The following ZNF341 variants were observed in gnomAD, a reference collection of about 807,000 sequenced individuals.
ZNF341 encodes the protein zinc finger protein 341.
In ZNF341, 52 loss-of-function variants were observed where a neutral mutation model predicts 87.7. The observed-to-expected ratio is 0.59, with a 90% CI of 0.47 to 0.75. The LOEUF (loss-of-function observed/expected upper bound fraction) is 0.75, where lower values mean the gene tolerates loss of function less well. ZNF341 is among the 30% of genes least tolerant of loss of function. ZNF341 has a pLI of 0.00. For missense variants in ZNF341, 977 were observed against 1,145.9 expected, an observed-to-expected ratio of 0.85 and a Z score of 2.13; for synonymous variants, 459 against 472.7, an observed-to-expected ratio of 0.97 and a Z score of 0.38.
rs761312652 is a variant in ZNF341 at position 33,770,283 on chromosome 20, C to A, written c.1613C>A (p.Ala538Asp). 1.3e-6 allele frequency: 2 copies of A among 1,586,120 alleles called. No individual in the cohort carries two copies. The highest frequency in any genetic ancestry group is 1.7e-5 in the Admixed American group (1 of 59,030). The change falls in exon 10 of 15, where the codon GCC (alanine) becomes GAC (aspartate). Residue 538 changes from alanine (A) to aspartate (D), a missense_variant. Coordinates refer to ENST00000375200, the MANE Select transcript of ZNF341 (RefSeq NM_001282933.2). ...CAGCACAGCCCCAAGAAGGACAATG[C>A]CGTCTACAAGTAAGTGCCTCCTGCT... ...LPQHSPKKDN[A>D]VYKCVKCVNK...
At chr20:33,737,195 T>C (rs2018707777) in intron 1 of ZNF341, among the ~76,000 whole-genome samples, 1 of 152,208 alleles carries the variant, frequency 6.6e-6, no homozygotes. Flanking sequence ...ACAGGGGAAT[T>C]GCGACAGAGA....
chr20:33,733,532 C>T (rs543400559), intron 1 of ZNF341, among the ~76,000 whole-genome samples: 12 of 151,456 alleles, frequency 7.9e-5, no homozygotes, highest in African/African-American at 2.9e-4. Context: ...CCACCGCGCC[C>T]GGCCATTTTT....
At position 33,732,722 on chromosome 20, in the gene ZNF341, A is replaced by G. The variant is rs1169699014; in HGVS notation, c.31+670A>G. Among the ~76,000 whole-genome samples, 3 of 152,204 alleles carry G rather than the reference A, an allele frequency of 2.0e-5. No homozygotes were observed. Among genetic ancestry groups the G allele is most frequent in the Non-Finnish European group, 4.4e-5 (3 of 68,034 alleles). On this transcript the variant is annotated intron_variant, in intron 1 of 14. Coordinates refer to ENST00000375200, the MANE Select transcript of ZNF341 (RefSeq NM_001282933.2). The surrounding 1 kb of genome is among the most constrained non-coding windows in gnomAD (Gnocchi z 4.5). ...CGGTGTTCCCAGACCCAGGCCAGCA[A>G]ACGCTGGGTGCCGACAGACTGTTCC...
rs937728668 is a variant in ZNF341 at position 33,788,757 on chromosome 20, C to T, written c.1853-106C>T. ...GAGAGAGGCTATTTTCTCCCCTGGC[C>T]ACCTCCCTAGAGGAGCTGCTCCCCT... On this transcript the variant is annotated intron_variant, in intron 12 of 14. Transcript: ENST00000375200. 6 of 834,394 alleles carry T rather than the reference C, an allele frequency of 7.2e-6. No homozygotes were observed. The Admixed American group carries it at 1.2e-4, about 16-fold the overall frequency. The allele number at this position is 834,394 out of a possible 1,614,324, so 51.7% of individuals were successfully genotyped here. A position where few individuals can be genotyped will look rare whatever the true frequency, so the allele number is the denominator to read the frequency against.
intron 4 of ZNF341, chr20:33,752,134 A>C: frequency 1.2e-5 from 4 of 322,992 alleles, no homozygotes; most frequent in South Asian, 2.3e-5. Context: ...TTTTAATTTT[A>C]TAACTTTATT....
intron 10 of ZNF341, among the ~76,000 whole-genome samples, chr20:33,771,350 A>T (rs2122707976): frequency 6.6e-6 from 1 of 151,922 alleles, no homozygotes; most frequent in African/African-American, 2.4e-5. Context: ...GGCTCAGGTG[A>T]TCCTCCCACC....
In ZNF341 at chr20:33,791,144, G is replaced by A. The variant is rs766386261; in HGVS notation, c.2192G>A (p.Cys731Tyr). The A allele has an allele frequency of 4.6e-5, 74 of 1,613,142 alleles. No individual in the cohort carries two copies. The highest frequency in any genetic ancestry group is 5.3e-5 in the Non-Finnish European group (63 of 1,180,018). The part of the protein sequence containing the change: ...SRHKYLKDHR[C>Y]RLGPQKDKDL... ...CACAAATACCTCAAAGATCACCGCTGTCGTCTCGGCCCCCAAAAGGACAAG... is the reference window on the plus strand; with the variant it reads ...CACAAATACCTCAAAGATCACCGCTATCGTCTCGGCCCCCAAAAGGACAAG... Residue 731 changes from cysteine to tyrosine, a missense_variant, in exon 15 of 15, where the codon TGT becomes TAT. By Grantham distance (194) the Cys-to-Tyr change is radical. Transcript: ENST00000375200.
Position 33,788,939 on chromosome 20 carries a change from C to G in ZNF341, c.1929C>G (p.Ile643Met). The G allele has an allele frequency of 1.2e-6, 2 of 1,614,062 alleles. No homozygotes were observed. Among genetic ancestry groups the G allele is most frequent in the East Asian group, 4.5e-5 (2 of 44,876 alleles). The change falls in exon 13 of 15, where the codon ATC (isoleucine) becomes ATG (methionine). Residue 643 changes from isoleucine to methionine, a missense_variant. Transcript: ENST00000375200. ...ACAAACTGAAGAGACACATGTTGAT[C>G]CACGAGCCCTTCAAGAAATACAAAT... ...RKDKLKRHML[I>M]HEPFKKYKCP... is the part of the protein sequence containing the mutation.
At chr20:33,745,914 G>A (rs1312585276) in intron 3 of ZNF341, among the ~76,000 whole-genome samples, 1 of 151,442 alleles carries the variant, frequency 6.6e-6, no homozygotes, top group Non-Finnish European at 1.5e-5. Context: ...TTGGCAGATC[G>A]TGTAGGGTCT....
intron 11 of ZNF341, 68 bp from the exon 12 acceptor site, chr20:33,783,664 G>C: frequency 6.2e-7 from 1 of 1,608,550 alleles, no homozygotes; most frequent in Non-Finnish European, 8.5e-7. Context: ...AGGAACCTTT[G>C]AGTTCAGAAG....
intron 5 of ZNF341, 94 bp from the exon 6 acceptor site, chr20:33,757,054 T>C (rs2019190624): frequency 9.3e-7 from 1 of 1,079,066 alleles, no homozygotes; most frequent in South Asian, 2.3e-5. Context: ...GGAGAGCGGC[T>C]GAGGTCAATC....
intron 11 of ZNF341, among the ~76,000 whole-genome samples, chr20:33,783,400 C>T (rs2019782819): frequency 6.6e-6 from 1 of 152,114 alleles, no homozygotes; most frequent in Non-Finnish European, 1.5e-5. Context: ...CTTTGCCAGG[C>T]ATAGCACCAG....
At position 33,753,438 on chromosome 20, in the gene ZNF341, C is replaced by T. The variant is rs990577496; in HGVS notation, c.741+15C>T. 1 of 1,573,420 alleles carries T rather than the reference C, an allele frequency of 6.4e-7. No homozygotes were observed. Among genetic ancestry groups the T allele is most frequent in the Admixed American group, 1.8e-5 (1 of 54,080 alleles). ...CACCCCTAGAGGTGAGCAGAGGGGGCAGGGTGGAAGAGGACACTGGTCATG... is the reference window on the plus strand; with the variant it reads ...CACCCCTAGAGGTGAGCAGAGGGGGTAGGGTGGAAGAGGACACTGGTCATG... On this transcript the variant is annotated intron_variant, in intron 5 of 14. Transcript: ENST00000375200.
At chr20:33,766,826 C>T (rs775720187) in intron 8 of ZNF341, 25 bp from the exon 9 acceptor site, 1 of 1,582,630 alleles carries the variant, frequency 6.3e-7, no homozygotes, top group South Asian at 1.1e-5. Flanking sequence ...GCTCCTTGTC[C>T]TGACTTCCCT....
At chr20:33,759,992 T>C (rs1014724580) in intron 7 of ZNF341, among the ~76,000 whole-genome samples, 4 of 152,232 alleles carry the variant, frequency 2.6e-5, no homozygotes, top group Admixed American at 2.6e-4. Context: ...GTACTGCAGC[T>C]ACAGCTGTGA....
rs1297370252 is a variant in ZNF341 at position 33,790,693 on chromosome 20, C to G, written c.2036-295C>G. On this transcript the variant is annotated intron_variant, in intron 14 of 14. Transcript: ENST00000375200. ...TCAGGCGTCACGGCCCCTCCCTGAG[C>G]CTGAGATGACCTGGCAAAGCGAGCC... 5.9e-5 allele frequency among the ~76,000 whole-genome samples: 9 copies of G among 152,098 alleles called. No homozygotes were observed. In the East Asian group the frequency reaches 1.7e-3, roughly 29 times the overall value.
intron 9 of ZNF341, among the ~76,000 whole-genome samples, chr20:33,769,584 C>T (rs2626557): frequency 0.12 from 18,997 of 152,166 alleles, 3,977 homozygotes; most frequent in African/African-American, 0.43. Context: ...AGGGCCATCA[C>T]GACTGGCTGA....
chr20:33,770,311 C>T lies in ZNF341; in HGVS notation c.1622+19C>T. On this transcript the variant is annotated intron_variant, in intron 10 of 14. Transcript: ENST00000375200. ...TCTACAAGTAAGTGCCTCCTGCTTC[C>T]CTCTCCCTGGGTGGACGGGTGGGTG... The T allele has an allele frequency of 1.2e-6, 2 of 1,607,036 alleles. No homozygotes were observed. Among genetic ancestry groups the T allele is most frequent in the Non-Finnish European group, 1.7e-6 (2 of 1,174,210 alleles).
chr20:33,739,114 C>A (rs2018751656), intron 1 of ZNF341, among the ~76,000 whole-genome samples: 1 of 152,266 alleles, frequency 6.6e-6, no homozygotes, highest in South Asian at 2.1e-4. Flanking sequence ...GGATTACAGG[C>A]ACCCACCACC....
Sources: gnomAD v4.1 joint callset for allele counts (sites outside exome capture counted in the v4.1 genomes callset) on GRCh38, gnomAD v4.1.1 for gene constraint, Gnocchi (gnomAD v3.1) non-coding constraint, MANE v1.5 for transcripts, NCBI Gene and HGNC (gene_info 2026-07-23, HGNC 2026-07-21) for gene names.